ARID1B: variants seen among roughly 807,000 people sequenced by gnomAD.
ARID1B encodes the protein AT-rich interactive domain-containing protein 1B.
A neutral mutation model predicts 212.3 loss-of-function variants in ARID1B; 30 were observed. That is an observed-to-expected ratio of 0.14 (90% confidence interval 0.11 to 0.19). The LOEUF is 0.19. ARID1B is among the 10% of genes least tolerant of loss of function. The pLI, the probability that ARID1B is intolerant of heterozygous loss-of-function variation, is 1.00. For missense variants in ARID1B, 2,891 were observed against 3,204.0 expected (o/e 0.90, Z 2.36); for synonymous variants, 1,402 against 1,301.7 (o/e 1.08, Z -1.66).
At chr6:156,800,879 A>G (rs1450951571) in intron 1 of ARID1B, among the ~76,000 whole-genome samples, 3 of 152,146 alleles carry the variant, frequency 2.0e-5, no homozygotes, top group Non-Finnish European at 4.4e-5. Flanking sequence ...TGGGAGATAG[A>G]GAAAGACCGT....
intron 4 of ARID1B, among the ~76,000 whole-genome samples, chr6:156,988,451 G>T (rs1778070562): frequency 6.6e-6 from 1 of 152,070 alleles, no homozygotes; most frequent in Non-Finnish European, 1.5e-5. Context: ...GGGGAGGGGA[G>T]GAACGGCTAG....
intron 5 of ARID1B, among the ~76,000 whole-genome samples, chr6:157,098,981 T>C (rs1785865484): frequency 6.6e-6 from 1 of 152,222 alleles, no homozygotes; most frequent in Admixed American, 6.5e-5. Flanking sequence ...TTATTTTTTT[T>C]GAGACGGAGT....
chr6:157,039,646 T>TTCCTTCCTTCC (rs1781612907), intron 4 of ARID1B, among the ~76,000 whole-genome samples: 1 of 59,270 alleles, frequency 1.7e-5, no homozygotes, highest in Non-Finnish European at 3.2e-5. Context: ...TCCTTCCTTC[T>TTCCTTCCTTCC]TTCCTTCCTT....
intron 1 of ARID1B, among the ~76,000 whole-genome samples, chr6:156,810,342 A>G (rs192003147): frequency 2.8e-4 from 42 of 152,282 alleles, no homozygotes; most frequent in Middle Eastern, 3.4e-3. Context: ...AACAGCTGCC[A>G]TTTACCAAAG....
intron 6 of ARID1B, among the ~76,000 whole-genome samples, chr6:157,114,460 G>A (rs1469013886): frequency 7.0e-6 from 1 of 142,434 alleles, no homozygotes; most frequent in Non-Finnish European, 1.5e-5. Context: ...GGAGGCGGAC[G>A]TTGCCGTGAG....
intron 7 of ARID1B, among the ~76,000 whole-genome samples, chr6:157,136,822 A>C (rs1346051033): frequency 1.3e-5 from 2 of 152,142 alleles, no homozygotes. Context: ...AGATCATGCC[A>C]CTGTACTCCA....
intron 8 of ARID1B, among the ~76,000 whole-genome samples, chr6:157,154,837 T>C (rs889122626): frequency 6.6e-6 from 1 of 152,172 alleles, no homozygotes; most frequent in African/African-American, 2.4e-5. Context: ...CGCCTCGGCC[T>C]CCCAAAGTGC....
chr6:157,026,002 G>T (rs1780636909), intron 4 of ARID1B, among the ~76,000 whole-genome samples: 1 of 151,620 alleles, frequency 6.6e-6, no homozygotes, highest in Non-Finnish European at 1.5e-5. Context: ...TCGGCTCACT[G>T]CAGCCTCCGC....
chr6:157,188,664 G>A (rs1793146486), intron 13 of ARID1B, among the ~76,000 whole-genome samples: 1 of 152,288 alleles, frequency 6.6e-6, no homozygotes, highest in South Asian at 2.1e-4. Flanking sequence ...GAGGGCAGGG[G>A]TTGTTGTCTT....
In ARID1B at chr6:157,208,710, C is replaced by CTTTTTTTTT. The variant is rs1794631145; in HGVS notation, c.*823_*824insTTTTTTTTT. 1.2e-5 allele frequency: 2 copies of CTTTTTTTTT among 172,418 alleles called. No homozygotes were observed. Among genetic ancestry groups the CTTTTTTTTT allele is most frequent in the Non-Finnish European group, 2.2e-5 (2 of 91,194 alleles). 10.7% of individuals were successfully genotyped at this position (172,418 alleles called of 1,614,324 possible). A position where few individuals can be genotyped will look rare whatever the true frequency, so the allele number is the denominator to read the frequency against. On this transcript the variant is annotated 3_prime_UTR_variant, in exon 20 of 20. Coordinates refer to ENST00000636930, the MANE Select transcript of ARID1B (RefSeq NM_001374828.1). ...ACATTAAACATACCCTCATTTTTTT[C>CTTTTTTTTT]TTTTCTTTTTTTTTTTTTTTTTTAG...
chr6:156,893,233 C>G (rs551609062), intron 2 of ARID1B, among the ~76,000 whole-genome samples: 2 of 152,104 alleles, frequency 1.3e-5, no homozygotes, highest in East Asian at 3.9e-4. Context: ...ACCACATTGG[C>G]CAGGCTGGTC....
chr6:156,813,092 ACATACATATATATATATTTT>A (rs1562404632), intron 1 of ARID1B, among the ~76,000 whole-genome samples: 11 of 96,948 alleles, frequency 1.1e-4, no homozygotes, highest in African/African-American at 3.6e-4. Flanking sequence ...GTATGTATAT[ACATACATATATATATATTTT>A]TTTTTTTTTT....
At chr6:156,790,517 A>G (rs879770687) in intron 1 of ARID1B, among the ~76,000 whole-genome samples, 7 of 152,208 alleles carry the variant, frequency 4.6e-5, no homozygotes, top group Non-Finnish European at 1.0e-4. Context: ...CTGGCAGACA[A>G]TTTCCAAATT....
chr6:157,108,398 ACT>A (rs1786644375), intron 5 of ARID1B, among the ~76,000 whole-genome samples: 3 of 152,128 alleles, frequency 2.0e-5, no homozygotes, highest in Admixed American at 2.0e-4. Flanking sequence ...ACATAGAATT[ACT>A]GTTTGTTTTT....
chr6:157,143,602 T>A (rs559409936), intron 7 of ARID1B, among the ~76,000 whole-genome samples: 1 of 152,302 alleles, frequency 6.6e-6, no homozygotes, highest in South Asian at 2.1e-4. Context: ...TTACTCATTA[T>A]CGTAGTCACT....
intron 7 of ARID1B, among the ~76,000 whole-genome samples, chr6:157,144,808 G>A (rs113735343): frequency 3.3e-5 from 5 of 152,200 alleles, no homozygotes; most frequent in Admixed American, 6.5e-5. Context: ...CGTGGGATGG[G>A]AGATTCAGAA....
intron 2 of ARID1B, among the ~76,000 whole-genome samples, chr6:156,879,827 C>T (rs528245359): frequency 6.6e-6 from 1 of 152,262 alleles, no homozygotes; most frequent in East Asian, 1.9e-4. Flanking sequence ...CTTAGCCTTC[C>T]TGTGTTTTAG....
At chr6:156,899,630 A>G (rs180955405) in intron 2 of ARID1B, among the ~76,000 whole-genome samples, 12 of 152,196 alleles carry the variant, frequency 7.9e-5, no homozygotes, top group Admixed American at 2.6e-4. Context: ...CCTGCAGCCA[A>G]ACTTCCTGGA....
chr6:156,876,063 T>C (rs114719765), intron 2 of ARID1B, among the ~76,000 whole-genome samples: 6,498 of 152,150 alleles, frequency 0.043, 476 homozygotes, highest in African/African-American at 0.14. Flanking sequence ...CTGTCCTTTT[T>C]GAAGTTGGGT....
Sources: gnomAD v4.1 joint callset for allele counts (sites outside exome capture counted in the v4.1 genomes callset) on GRCh38, gnomAD v4.1.1 for gene constraint, MANE v1.5 for transcripts, NCBI Gene and HGNC (gene_info 2026-07-23, HGNC 2026-07-21) for gene names.